RELN: variants seen among roughly 807,000 people sequenced by gnomAD.
The protein encoded by RELN is reelin.
RELN carries 108 observed loss-of-function variants against 427.6 expected under a neutral mutation model. The ratio of observed to expected loss-of-function variants is 0.25; its 90% confidence interval spans 0.22 to 0.30. The LOEUF (loss-of-function observed/expected upper bound fraction) is 0.30, where lower values mean the gene tolerates loss of function less well. RELN is among the 10% of genes least tolerant of loss of function. The pLI is 1.00. For synonymous variants in RELN, 1,524 were observed against 1,513.4 expected (o/e 1.01, Z -0.16); for missense variants, 3,715 against 4,302.8 (o/e 0.86, Z 3.82).
At chr7:103,613,216 T>G (rs1265319497) in intron 20 of RELN, among the ~76,000 whole-genome samples, 1 of 152,172 alleles carries the variant, frequency 6.6e-6, no homozygotes, top group Non-Finnish European at 1.5e-5. Context: ...TTTGCCTGAC[T>G]CTAAAGCTTC....
rs142665123 is a variant in RELN, at chr7:103,872,028, A to ATTTT, written c.338-38357_338-38356insAAAA. 3.6e-3 allele frequency among the ~76,000 whole-genome samples: 377 copies of ATTTT among 104,758 alleles called. 3 individuals are homozygous for ATTTT. Among genetic ancestry groups the ATTTT allele is most frequent in the African/African-American group, 0.012 (363 of 31,368 alleles). The allele number at this position is 104,758 out of a possible 152,430, so 68.7% of individuals were successfully genotyped here. A position where few individuals can be genotyped will look rare whatever the true frequency, so the allele number is the denominator to read the frequency against. On this transcript the variant is annotated intron_variant, in intron 2 of 64. Coordinates refer to ENST00000428762, the MANE Select transcript of RELN (RefSeq NM_005045.4). Reference sequence around the variant, plus strand: ...ACAGTATATGAATATATATATATATATATTTTTCTTTTTTCTTTTTTTTCT... The same window carrying ATTTT: ...ACAGTATATGAATATATATATATATATTTTTATTTTTCTTTTTTCTTTTTTTTCT...
In RELN at chr7:103,520,974, T is replaced by A. The variant is rs112814256; in HGVS notation, c.7668+1048A>T. Among the ~76,000 whole-genome samples the A allele has an allele frequency of 3.4e-4, 41 of 120,728 alleles. 2 individuals carry two copies. Among genetic ancestry groups the A allele is most frequent in the Middle Eastern group, 3.9e-3 (1 of 256 alleles). The allele number at this position is 120,728 out of a possible 152,430, so 79.2% of individuals were successfully genotyped here. A position where few individuals can be genotyped will look rare whatever the true frequency, so the allele number is the denominator to read the frequency against. ...AATTTGTTATTTTTTTTTTTTTTTT[T>A]TTTTTTTTTTTTTGAGACGGAGTCT... is the stretch of plus-strand genomic sequence containing the variant. On this transcript the variant is annotated intron_variant, in intron 48 of 64. Coordinates refer to ENST00000428762, the MANE Select transcript of RELN (RefSeq NM_005045.4).
intron 12 of RELN, among the ~76,000 whole-genome samples, chr7:103,659,657 T>A (rs1041571531): frequency 1.3e-5 from 2 of 152,150 alleles, no homozygotes; most frequent in Non-Finnish European, 2.9e-5. Context: ...TATACTCTCA[T>A]AGCATTTCAT....
chr7:103,661,612 A>C, intron 11 of RELN, 85 bp from the exon 12 acceptor site: 1 of 1,155,618 alleles, frequency 8.7e-7, no homozygotes, highest in Non-Finnish European at 1.3e-6. Flanking sequence ...TTAGTGAGGG[A>C]CACTTACTTA....
In RELN at chr7:103,907,414, G is replaced by GAAAAAAAAAAAAA. The variant is rs1795234328; in HGVS notation, c.337+9660_337+9661insTTTTTTTTTTTTT. On this transcript the variant is annotated intron_variant, in intron 2 of 64. Coordinates refer to ENST00000428762, the MANE Select transcript of RELN (RefSeq NM_005045.4). ...GCCTGGGCAACAAGATCAAGGCTCTGGAAAAAAAAAAAAAAAAAAAAAAAA... is the reference window on the plus strand; with the variant it reads ...GCCTGGGCAACAAGATCAAGGCTCTGAAAAAAAAAAAAAGAAAAAAAAAAAAAAAAAAAAAAAA... Among the ~76,000 whole-genome samples, 46 of 39,690 alleles carry GAAAAAAAAAAAAA rather than the reference G, an allele frequency of 1.2e-3. 19 individuals carry two copies. Among genetic ancestry groups the GAAAAAAAAAAAAA allele is most frequent in the Middle Eastern group, 0.026 (1 of 38 alleles). The allele number at this position is 39,690 out of a possible 152,430, so 26.0% of individuals were successfully genotyped here.
chr7:103,661,740 G>C (rs1315941175), intron 11 of RELN, among the ~76,000 whole-genome samples: 1 of 152,150 alleles, frequency 6.6e-6, no homozygotes, highest in Non-Finnish European at 1.5e-5. Context: ...CACAGTTATA[G>C]TTTTCCTGTA....
At chr7:103,505,920 C>T (rs887142333) in intron 51 of RELN, among the ~76,000 whole-genome samples, 1 of 152,174 alleles carries the variant, frequency 6.6e-6, no homozygotes, top group African/African-American at 2.4e-5. Context: ...CTGAAAAACA[C>T]AGCACGAGAA....
intron 1 of RELN, among the ~76,000 whole-genome samples, chr7:103,921,239 G>T (rs191487659): frequency 2.0e-5 from 3 of 152,174 alleles, no homozygotes; most frequent in Admixed American, 1.3e-4. Flanking sequence ...ACCACTATGG[G>T]ATAACACCCA....
chr7:103,722,464 G>T (rs1023033507), intron 8 of RELN, among the ~76,000 whole-genome samples: 11 of 152,088 alleles, frequency 7.2e-5, no homozygotes, highest in Non-Finnish European at 1.5e-4. Context: ...AAGACAACAT[G>T]TTTCTTCCCC....
At chr7:103,476,843 C>T in intron 64 of RELN, 2 of 221,286 alleles carry the variant, frequency 9.0e-6, no homozygotes, top group Non-Finnish European at 9.7e-6. Flanking sequence ...TTTTGATGTA[C>T]AGCTATAGAT....
rs1214075111 is a variant in RELN at position 103,626,272 on chromosome 7, C to T, written c.2702+3668G>A. On this transcript the variant is annotated intron_variant, in intron 20 of 64. Coordinates refer to ENST00000428762, the MANE Select transcript of RELN (RefSeq NM_005045.4). The surrounding 1 kb of genome is among the most constrained non-coding windows in gnomAD (Gnocchi z 4.4). ...GAAATCAGGCCTACGACCTCAAAGCCTATGTTTCTACCACACCATATTTCC... is the reference window on the plus strand; with the variant it reads ...GAAATCAGGCCTACGACCTCAAAGCTTATGTTTCTACCACACCATATTTCC... 3.3e-5 allele frequency among the ~76,000 whole-genome samples: 5 copies of T among 152,062 alleles called. No individual in the cohort carries two copies. The highest frequency in any genetic ancestry group is 3.3e-4 in the Admixed American group (5 of 15,262).
In RELN at chr7:103,678,198, G is replaced by A. The variant is rs549331006; in HGVS notation, c.1289+3918C>T. ...GTTTTGAATAGTAAAAGCATATAAT[G>A]TTTACGTTTGGGATGAAAGGCAAAT... On this transcript the variant is annotated intron_variant, in intron 11 of 64. Coordinates refer to ENST00000428762, the MANE Select transcript of RELN (RefSeq NM_005045.4). Among the ~76,000 whole-genome samples, 36 of 152,254 alleles carry A rather than the reference G, an allele frequency of 2.4e-4. 1 individual carries two copies. Among genetic ancestry groups the A allele is most frequent in the African/African-American group, 8.2e-4 (34 of 41,540 alleles).
intron 53 of RELN, among the ~76,000 whole-genome samples, 153 bp from the exon 54 acceptor site, chr7:103,498,405 T>C (rs1168474612): frequency 6.6e-6 from 1 of 152,178 alleles, no homozygotes; most frequent in African/African-American, 2.4e-5. Context: ...ATTTCCACAA[T>C]CTTTTTTCCT....
chr7:103,596,805 C>A (rs1443379750), intron 24 of RELN, 144 bp from the exon 25 acceptor site: 8 of 753,102 alleles, frequency 1.1e-5, no homozygotes, highest in Non-Finnish European at 1.6e-5. Flanking sequence ...GGCAGTCATG[C>A]CATTTAGTTG....
intron 19 of RELN, among the ~76,000 whole-genome samples, chr7:103,634,368 T>C (rs1486226004): frequency 6.6e-6 from 1 of 152,200 alleles, no homozygotes; most frequent in Non-Finnish European, 1.5e-5. Flanking sequence ...AATTTTAAGC[T>C]TTCCCCATCC....
intron 3 of RELN, among the ~76,000 whole-genome samples, chr7:103,797,374 G>A (rs1792333548): frequency 6.6e-6 from 1 of 152,110 alleles, no homozygotes; most frequent in Admixed American, 6.5e-5. Context: ...CAAAGTAGTG[G>A]GATTACAGGT....
intron 1 of RELN, among the ~76,000 whole-genome samples, chr7:103,976,487 T>C (rs183641218): frequency 1.2e-3 from 188 of 152,324 alleles, no homozygotes; most frequent in African/African-American, 4.2e-3. Flanking sequence ...TGTTTTGAAA[T>C]GCAAGGCCAG....
In RELN at chr7:103,643,054, A is replaced by G. The variant is rs187425968; in HGVS notation, c.2003-2445T>C. On this transcript the variant is annotated intron_variant, in intron 16 of 64. Transcript: ENST00000428762. ...GGATAAATATTGGGAAATAATTCAT[A>G]TTGGTTCATCAGCAAATTATCTTGT... Among the ~76,000 whole-genome samples, 10 of 152,226 alleles carry G rather than the reference A, an allele frequency of 6.6e-5. No individual in the cohort carries two copies. In the East Asian group the frequency reaches 1.9e-3, roughly 29 times the overall value.
rs576903015 is a variant in RELN at position 103,833,632 on chromosome 7, G to A, written c.378C>T (p.Cys126=). 1.9e-5 allele frequency: 30 copies of A among 1,613,376 alleles called. No homozygotes were observed. Among genetic ancestry groups the A allele is most frequent in the Non-Finnish European group, 2.4e-5 (28 of 1,179,502 alleles). The change falls in exon 3 of 65, where the codon TGC becomes TGT. Residue 126 remains cysteine, a synonymous_variant. Transcript: ENST00000428762. The stretch of plus-strand genomic sequence containing the variant: ...GACTCACGTGAGAGGCTACCACACT[G>A]CACATAAACTGGTTACCAAACTGGT... ...SDHQFGNQFM[C]SVVASHVSHL...
Sources: gnomAD v4.1 joint callset for allele counts (sites outside exome capture counted in the v4.1 genomes callset) on GRCh38, gnomAD v4.1.1 for gene constraint, Gnocchi (gnomAD v3.1) non-coding constraint, MANE v1.5 for transcripts, NCBI Gene and HGNC (gene_info 2026-07-23, HGNC 2026-07-21) for gene names.